Variants in THSD4 observed in about 807,000 individuals in gnomAD.
THSD4 encodes the protein thrombospondin type 1 domain containing 4, also known as thrombospondin type-1 domain-containing protein 4.
In THSD4, 69 loss-of-function variants were observed where a neutral mutation model predicts 119.0. The observed-to-expected ratio is 0.58, with a 90% confidence interval of 0.48 to 0.71. THSD4 has a LOEUF of 0.71. THSD4 is among the 30% of genes least tolerant of loss of function. THSD4 has a pLI of 0.00. For synonymous variants in THSD4, 524 were observed against 540.4 expected (o/e 0.97, Z 0.42); for missense variants, 1,393 against 1,391.1 (o/e 1.00, Z -0.02).
At chr15:71,723,871 C>G (rs2052769475) in intron 8 of THSD4, among the ~76,000 whole-genome samples, 1 of 151,780 alleles carries the variant, frequency 6.6e-6, no homozygotes, top group Non-Finnish European at 1.5e-5. Context: ...AATTCAAGAC[C>G]CAGCCTGGGC....
intron 8 of THSD4, among the ~76,000 whole-genome samples, chr15:71,662,279 AG>A (rs2051325950): frequency 1.3e-5 from 2 of 151,950 alleles, no homozygotes; most frequent in African/African-American, 4.8e-5. Flanking sequence ...GGGAGGAGGA[AG>A]GGATGGCAGA....
intron 7 of THSD4, among the ~76,000 whole-genome samples, chr15:71,634,703 T>C (rs954216589): frequency 4.6e-5 from 7 of 152,130 alleles, no homozygotes; most frequent in Admixed American, 3.3e-4. Context: ...TAAGATCTCC[T>C]CGGAAGTCAA....
At chr15:71,228,642 T>A (rs535751292) in intron 4 of THSD4, among the ~76,000 whole-genome samples, 3 of 152,242 alleles carry the variant, frequency 2.0e-5, no homozygotes, top group African/African-American at 7.2e-5. Flanking sequence ...GAGCTCTGGG[T>A]CCCAGAGCCA....
At chr15:71,296,589 G>C (rs1271855880) in intron 6 of THSD4, among the ~76,000 whole-genome samples, 1 of 152,144 alleles carries the variant, frequency 6.6e-6, no homozygotes, top group Non-Finnish European at 1.5e-5. Flanking sequence ...GCCAAGCAGC[G>C]TGCATAACTC....
chr15:71,097,492 C>T (rs1014574711), intron 1 of THSD4, among the ~76,000 whole-genome samples: 2 of 151,068 alleles, frequency 1.3e-5, no homozygotes, highest in East Asian at 1.9e-4. Flanking sequence ...CTTGAGCCTA[C>T]GAGGTCAAGG....
chr15:71,491,040 G>C (rs1020249141), intron 7 of THSD4, among the ~76,000 whole-genome samples: 4 of 152,130 alleles, frequency 2.6e-5, no homozygotes, highest in African/African-American at 9.7e-5. Context: ...TTGTGTGCAT[G>C]TATGGTATTT....
intron 6 of THSD4, among the ~76,000 whole-genome samples, chr15:71,379,501 C>T (rs1186732003): frequency 7.6e-6 from 1 of 131,258 alleles, no homozygotes; most frequent in Non-Finnish European, 1.6e-5. Flanking sequence ...CTCTATCGCC[C>T]AGGCTGGAGT....
At chr15:71,492,197 G>T (rs7164165) in intron 7 of THSD4, among the ~76,000 whole-genome samples, 118,167 of 151,930 alleles carry the variant, frequency 0.78, 47,647 homozygotes, top group East Asian at 0.89. Context: ...GTAGTCCATA[G>T]TGGATGGGAC....
chr15:71,112,272 G>T, upstream of THSD4: 1 of 1,545,576 alleles, frequency 6.5e-7, no homozygotes, highest in Non-Finnish European at 8.7e-7. Context: ...ATAGGATGTC[G>T]TATGCATCAT....
rs553254570 is a variant in THSD4, at chr15:71,465,581, T to C, written c.1152+53758T>C. On this transcript the variant is annotated intron_variant, in intron 7 of 17. Transcript: ENST00000261862. ...ATCATTATTTAAAATCTGGGTGATG[T>C]GCATTTAAATTTAAGATTTATATTT... Among the ~76,000 whole-genome samples, 170 of 152,366 alleles carry C rather than the reference T, an allele frequency of 1.1e-3. 1 individual carries two copies. Among genetic ancestry groups the C allele is most frequent in the African/African-American group, 3.9e-3 (164 of 41,586 alleles).
At chr15:71,224,329 C>T (rs978721509) in intron 4 of THSD4, among the ~76,000 whole-genome samples, 24 of 152,186 alleles carry the variant, frequency 1.6e-4, no homozygotes, top group African/African-American at 5.8e-4. Context: ...ACAAGAAATT[C>T]TTAGAGTAAG....
intron 7 of THSD4, among the ~76,000 whole-genome samples, chr15:71,598,165 G>A (rs2049940623): frequency 6.6e-6 from 1 of 152,180 alleles, no homozygotes; most frequent in South Asian, 2.1e-4. Context: ...CGCCGAGCCA[G>A]TTTTAAAGTT....
At chr15:71,414,335 C>T (rs1426667499) in intron 7 of THSD4, among the ~76,000 whole-genome samples, 1 of 152,040 alleles carries the variant, frequency 6.6e-6, no homozygotes, top group Non-Finnish European at 1.5e-5. Flanking sequence ...CTTTTTTTGT[C>T]GATTATAGAT....
chr15:71,113,667 ATCT>A (rs1362322341), upstream of THSD4: 6 of 152,138 alleles, frequency 3.9e-5, no homozygotes, highest in Admixed American at 3.9e-4. Flanking sequence ...ACTATATTTC[ATCT>A]TCTTCGCCTC....
At chr15:71,503,257 A>G (rs1284956304) in intron 7 of THSD4, among the ~76,000 whole-genome samples, 1 of 152,182 alleles carries the variant, frequency 6.6e-6, no homozygotes, top group Non-Finnish European at 1.5e-5. Flanking sequence ...TGAGGACTAG[A>G]AAGAGGACCA....
chr15:71,203,591 A>C (rs2043820251), intron 3 of THSD4, among the ~76,000 whole-genome samples: 1 of 152,184 alleles, frequency 6.6e-6, no homozygotes, highest in African/African-American at 2.4e-5. Flanking sequence ...CCTTGAACTC[A>C]GGAGTCAGAG....
intron 4 of THSD4, among the ~76,000 whole-genome samples, chr15:71,216,295 G>T (rs138686595): frequency 8.5e-4 from 129 of 152,368 alleles, no homozygotes; most frequent in African/African-American, 2.8e-3. Context: ...TGCCCAGCAG[G>T]CAGGGCCTGA....
chr15:71,442,660 G>GTATATATA lies in THSD4; in HGVS notation c.1152+30873_1152+30880dup, dbSNP rs71154772. ...TGTGTGTATATGTGTGTGTGTGTGT[G>GTATATATA]TATATATATATATATATATATATAT... On this transcript the variant is annotated intron_variant, in intron 7 of 17. Transcript: ENST00000261862. Among the ~76,000 whole-genome samples the GTATATATA allele has an allele frequency of 2.1e-3, 54 of 25,760 alleles. 1 individual carries two copies. Among genetic ancestry groups the GTATATATA allele is most frequent in the African/African-American group, 5.0e-3 (46 of 9,236 alleles). 16.9% of individuals were successfully genotyped at this position (25,760 alleles called of 152,430 possible). A position where few individuals can be genotyped will look rare whatever the true frequency, so the allele number is the denominator to read the frequency against.
chr15:71,409,749 C>T (rs1243417534), intron 6 of THSD4, among the ~76,000 whole-genome samples: 2 of 152,088 alleles, frequency 1.3e-5, no homozygotes, highest in African/African-American at 4.8e-5. Flanking sequence ...GACAGTCAGG[C>T]AGCCACACTG....
Sources: allele counts gnomAD v4.1 joint callset (sites outside exome capture counted in the v4.1 genomes callset), GRCh38; gene constraint gnomAD v4.1.1; transcripts MANE v1.5; gene names NCBI Gene and HGNC (gene_info 2026-07-23, HGNC 2026-07-21).